Variants in C7 observed in about 807,000 individuals in gnomAD.
The protein encoded by C7 is complement C7.
A neutral mutation model predicts 104.8 loss-of-function variants in C7; 83 were observed. That is an observed-to-expected ratio of 0.79 (90% CI 0.66 to 0.95). The LOEUF (loss-of-function observed/expected upper bound fraction) is 0.95. Ranked by LOEUF, C7 falls within the 40% of genes least tolerant of loss-of-function variation. The probability of loss-of-function intolerance (pLI) is 0.00; values close to 1 mark genes in which losing one functional copy is unlikely to be tolerated. For synonymous variants in C7, 415 were observed against 360.6 expected (o/e 1.15, Z -1.71); for missense variants, 1,070 against 1,011.2 (o/e 1.06, Z -0.79).
At chr5:40,958,508 G>A (rs1386751948) in intron 11 of C7, among the ~76,000 whole-genome samples, 1 of 152,182 alleles carries the variant, frequency 6.6e-6, no homozygotes, top group African/African-American at 2.4e-5. Context: ...TATTAGAATA[G>A]AGTTATGATT....
chr5:40,918,949 GACACAC>G lies in C7; in HGVS notation c.6+9371_6+9376del, dbSNP rs138558983. Among the ~76,000 whole-genome samples the G allele has an allele frequency of 3.2e-3, 445 of 138,364 alleles. 2 individuals carry two copies. Among genetic ancestry groups the G allele is most frequent in the Non-Finnish European group, 3.6e-3 (235 of 64,870 alleles). 90.8% of individuals were successfully genotyped at this position (138,364 alleles called of 152,430 possible). On this transcript the variant is annotated intron_variant, in intron 1 of 17. Transcript: ENST00000313164. ...CGCTTTAGACCTAATGAATCTAACA[GACACAC>G]ACACACACACACACACACACACACA...
intron 6 of C7, among the ~76,000 whole-genome samples, chr5:40,941,116 T>G (rs1283442263): frequency 6.7e-6 from 1 of 149,826 alleles, no homozygotes; most frequent in Non-Finnish European, 1.5e-5. Context: ...CAGGCTGGAG[T>G]GCAGTCGTGT....
At position 40,962,177 on chromosome 5, in the gene C7, G is replaced by T; in HGVS notation, c.1749+5G>T. ...TTGAAAGATGGATTTGTTCAAGTTG[G>T]TTATGAAAGATATTTTTTTCCTTTA... is the stretch of plus-strand genomic sequence containing the variant. On this transcript the variant is annotated splice_donor_5th_base_variant and intron_variant, in intron 13 of 17. Coordinates refer to ENST00000313164, the MANE Select transcript of C7 (RefSeq NM_000587.4). 6.6e-7 allele frequency: 1 copy of T among 1,513,126 alleles called. No individual in the cohort carries two copies. Among genetic ancestry groups the T allele is most frequent in the African/African-American group, 1.4e-5 (1 of 73,246 alleles). 93.7% of individuals were successfully genotyped at this position (1,513,126 alleles called of 1,614,324 possible). A position where few individuals can be genotyped will look rare whatever the true frequency, so the allele number is the denominator to read the frequency against.
chr5:40,934,265 T>C (rs1739758500), intron 3 of C7, 60 bp from the exon 4 acceptor site: 1 of 1,425,150 alleles, frequency 7.0e-7, no homozygotes, highest in Non-Finnish European at 9.3e-7. Flanking sequence ...TAAAGGAAAC[T>C]AGAGATTTCT....
chr5:40,921,665 T>G (rs1484269220), intron 1 of C7, among the ~76,000 whole-genome samples: 1 of 151,534 alleles, frequency 6.6e-6, no homozygotes, highest in Non-Finnish European at 1.5e-5. Context: ...AACAGACACA[T>G]AGATGGCTGA....
At chr5:40,961,249 T>C (rs1740412575) in intron 12 of C7, among the ~76,000 whole-genome samples, 2 of 152,240 alleles carry the variant, frequency 1.3e-5, no homozygotes, top group Admixed American at 6.5e-5. Flanking sequence ...ATGTATCTCA[T>C]GGTGTTGCTG....
chr5:40,949,954 G>A lies in C7; in HGVS notation c.1033G>A (p.Val345Ile), dbSNP rs775296517. 2 of 1,601,550 alleles carry A rather than the reference G, an allele frequency of 1.2e-6. No homozygotes were observed. The highest frequency in any genetic ancestry group is 1.7e-6 in the Non-Finnish European group (2 of 1,173,510). The change falls in exon 9 of 18, where the codon GTC (valine) becomes ATC (isoleucine). Residue 345 changes from valine to isoleucine, a missense_variant. By Grantham distance (29) the Val-to-Ile change is conservative. Transcript: ENST00000313164. ...KKCKSSGWHFVVKFSSHGCKE... is the reference protein window; with the variant it reads ...KKCKSSGWHFIVKFSSHGCKE... ...ATGTAAATCCTCAGGTTGGCATTTT[G>A]TCGTTAAATTTTCAAGTCATGGATG...
intron 9 of C7, among the ~76,000 whole-genome samples, chr5:40,953,326 G>T (rs1740216700): frequency 6.6e-6 from 1 of 152,014 alleles, no homozygotes; most frequent in African/African-American, 2.4e-5. Flanking sequence ...TGCTTAATGG[G>T]TATAAACCTG....
At chr5:40,974,609 G>A (rs1426108614) in intron 15 of C7, among the ~76,000 whole-genome samples, 4 of 151,826 alleles carry the variant, frequency 2.6e-5, no homozygotes, top group African/African-American at 7.3e-5. Context: ...TAGCAGAGAC[G>A]GGGTTTCACC....
At chr5:40,972,700 C>T (rs1740727315) in intron 15 of C7, 106 bp downstream of exon 15, 1 of 851,158 alleles carries the variant, frequency 1.2e-6, no homozygotes, top group Non-Finnish European at 1.8e-6. Context: ...GTCATTCCCT[C>T]CATTCTTGCT....
Position 40,981,964 on chromosome 5 carries a change from C to T in C7, c.*391C>T. On this transcript the variant is annotated 3_prime_UTR_variant, in exon 18 of 18. Transcript: ENST00000313164. ...AGCCCATGGGCCAGAACACACTCTA[C>T]AAAATGACTAGGATAACAGAAAGAA... 1 of 157,184 alleles carries T rather than the reference C, an allele frequency of 6.4e-6. No individual in the cohort carries two copies. The allele number at this position is 157,184 out of a possible 1,614,324, so 9.7% of individuals were successfully genotyped here.
intron 9 of C7, among the ~76,000 whole-genome samples, chr5:40,955,163 C>A (rs982849412): frequency 6.6e-6 from 1 of 152,160 alleles, no homozygotes; most frequent in African/African-American, 2.4e-5. Flanking sequence ...TGACTTTTGA[C>A]AAATGTATAA....
chr5:40,971,833 T>C (rs191932202), intron 14 of C7, among the ~76,000 whole-genome samples: 59 of 152,294 alleles, frequency 3.9e-4, no homozygotes, highest in African/African-American at 1.4e-3. Flanking sequence ...TCACCATTTA[T>C]TAAACAGGAA....
At chr5:40,979,054 A>G (rs1740881205) in intron 16 of C7, among the ~76,000 whole-genome samples, 1 of 151,448 alleles carries the variant, frequency 6.6e-6, no homozygotes, top group Non-Finnish European at 1.5e-5. Context: ...TAATTTTTAT[A>G]TGCTTAGTAG....
chr5:40,945,306 A>G lies in C7; in HGVS notation c.676A>G (p.Arg226Gly). ...TSSSRKRSFF[R>G]SSSSSSRSYT... ...ATCTAGTCGGAAGCGCTCCTTTTTT[A>G]GATCTTCATCATCTTCTTCACGCAG... The change falls in exon 7 of 18, where the codon AGA (arginine) becomes GGA (glycine). Residue 226 changes from arginine (R) to glycine (G), a missense_variant. By Grantham distance (125) the Arg-to-Gly change is moderately radical. Coordinates refer to ENST00000313164, the MANE Select transcript of C7 (RefSeq NM_000587.4). The G allele has an allele frequency of 1.2e-6, 2 of 1,609,568 alleles. No individual in the cohort carries two copies. The highest frequency in any genetic ancestry group is 1.7e-6 in the Non-Finnish European group (2 of 1,178,066).
rs113983178 is a variant in C7 at position 40,978,016 on chromosome 5, C to T, written c.2165+1176C>T. Among the ~76,000 whole-genome samples, 374 of 151,982 alleles carry T rather than the reference C, an allele frequency of 2.5e-3. 1 individual carries two copies. Among genetic ancestry groups the T allele is most frequent in the Non-Finnish European group, 4.3e-3 (289 of 67,962 alleles). On this transcript the variant is annotated intron_variant, in intron 16 of 17. Coordinates refer to ENST00000313164, the MANE Select transcript of C7 (RefSeq NM_000587.4). ...GGGTGTGGTGACTCACTCTTGTAGT[C>T]CCAGCTACTCAGGAGACTGAGGTGG...
chr5:40,923,745 TA>T (rs60201118), intron 1 of C7, among the ~76,000 whole-genome samples: 55,548 of 144,400 alleles, frequency 0.38, 10,229 homozygotes, highest in East Asian at 0.51. Context: ...GACTCTGTCT[TA>T]AAAAAAAAAA....
At chr5:40,945,902 ATATATATG>A in intron 7 of C7, among the ~76,000 whole-genome samples, 1 of 136,570 alleles carries the variant, frequency 7.3e-6, no homozygotes, top group East Asian at 2.2e-4. Context: ...ATATATATAT[ATATATATG>A]TATATTTAGT....
chr5:40,912,149 TG>T (rs1236589983), intron 1 of C7, among the ~76,000 whole-genome samples: 2 of 152,222 alleles, frequency 1.3e-5, no homozygotes, highest in African/African-American at 2.4e-5. Flanking sequence ...CTATCTCTCT[TG>T]TTCATTTATA....
Sources: gnomAD v4.1 joint callset for allele counts (sites outside exome capture counted in the v4.1 genomes callset) on GRCh38, gnomAD v4.1.1 for gene constraint, MANE v1.5 for transcripts, NCBI Gene and HGNC (gene_info 2026-07-23, HGNC 2026-07-21) for gene names.